Variants in SOBP observed in about 807,000 individuals in gnomAD.
The protein encoded by SOBP is sine oculis binding protein homolog, also known as sine oculis-binding protein homolog.
SOBP carries 4 observed loss-of-function variants against 53.6 expected under a neutral mutation model. The ratio of observed to expected loss-of-function variants is 0.07; its 90% CI spans 0.04 to 0.17. SOBP has a LOEUF of 0.17. Among genes scored for constraint, SOBP ranks in the 10% least tolerant of loss-of-function variants. The pLI, the probability that SOBP is intolerant of heterozygous loss-of-function variation, is 1.00. For missense variants in SOBP, 1,088 were observed against 1,204.7 expected (o/e 0.90, Z 1.43); for synonymous variants, 584 against 522.6 (o/e 1.12, Z -1.60).
At chr6:107,621,328 G>A (rs1770150053) in intron 5 of SOBP, among the ~76,000 whole-genome samples, 1 of 152,242 alleles carries the variant, frequency 6.6e-6, no homozygotes, top group Non-Finnish European at 1.5e-5. Flanking sequence ...CCTTAGTGGA[G>A]AATCCAGTAT....
At chr6:107,554,380 G>A (rs187449473) in intron 4 of SOBP, among the ~76,000 whole-genome samples, 1 of 152,284 alleles carries the variant, frequency 6.6e-6, no homozygotes, top group East Asian at 1.9e-4. Context: ...TGATGGATGT[G>A]GGGAAGCTCT....
rs548247271 is a variant in SOBP at position 107,619,398 on chromosome 6, T to C, written c.670-14116T>C. On this transcript the variant is annotated intron_variant, in intron 5 of 6. Transcript: ENST00000317357. ...ATGAAGTTTAAGTATGTTTCTTTTC[T>C]GCAGATCTCCTCAGAGGCTCAGGCA... Among the ~76,000 whole-genome samples the C allele has an allele frequency of 1.1e-4, 16 of 152,346 alleles. No individual in the cohort carries two copies. The South Asian group carries it at 1.7e-3, about 16-fold the overall frequency.
At chr6:107,579,811 A>T (rs566382326) in intron 4 of SOBP, among the ~76,000 whole-genome samples, 1 of 152,202 alleles carries the variant, frequency 6.6e-6, no homozygotes, top group Non-Finnish European at 1.5e-5. Context: ...TTTATGATAT[A>T]TATAAAGGTT....
intron 5 of SOBP, among the ~76,000 whole-genome samples, chr6:107,588,546 A>G (rs1785639274): frequency 6.6e-6 from 1 of 152,216 alleles, no homozygotes; most frequent in African/African-American, 2.4e-5. Flanking sequence ...CTCTGTAACT[A>G]TGATTATTCA....
intron 4 of SOBP, among the ~76,000 whole-genome samples, chr6:107,549,686 G>T (rs1429690047): frequency 6.6e-6 from 1 of 151,618 alleles, no homozygotes; most frequent in Non-Finnish European, 1.5e-5. Context: ...AATTTTTTAT[G>T]ATCATATAAT....
intron 3 of SOBP, among the ~76,000 whole-genome samples, chr6:107,519,012 A>G (rs1284460080): frequency 1.1e-4 from 16 of 151,782 alleles, no homozygotes; most frequent in Admixed American, 1.1e-3. Flanking sequence ...CAAATGTATC[A>G]TAGTGAAGCC....
chr6:107,534,192 G>C (rs571992574), intron 4 of SOBP, among the ~76,000 whole-genome samples: 1 of 152,188 alleles, frequency 6.6e-6, no homozygotes, highest in Non-Finnish European at 1.5e-5. Flanking sequence ...TGTGAGGAGC[G>C]TGGTGGGTAA....
chr6:107,564,338 A>T (rs1784857090), intron 4 of SOBP, among the ~76,000 whole-genome samples: 1 of 152,188 alleles, frequency 6.6e-6, no homozygotes, highest in African/African-American at 2.4e-5. Context: ...CCTTCCATAA[A>T]GTCTATCACT....
intron 3 of SOBP, among the ~76,000 whole-genome samples, chr6:107,520,382 T>C (rs1000499363): frequency 6.6e-6 from 1 of 152,212 alleles, no homozygotes; most frequent in African/African-American, 2.4e-5. Context: ...AAATGAGGTC[T>C]GGAGAGGTTA....
At chr6:107,594,207 G>T (rs1200514035) in intron 5 of SOBP, among the ~76,000 whole-genome samples, 1 of 152,088 alleles carries the variant, frequency 6.6e-6, no homozygotes, top group East Asian at 1.9e-4. Flanking sequence ...TAGCTATTGG[G>T]TAGGGTTGGC....
chr6:107,565,346 T>C (rs775837801), intron 4 of SOBP, among the ~76,000 whole-genome samples: 27 of 152,334 alleles, frequency 1.8e-4, no homozygotes, highest in Admixed American at 2.6e-4. Context: ...AGGCTGCCCC[T>C]GCAGGTTCAG....
At position 107,635,236 on chromosome 6, in the gene SOBP, G is replaced by A. The variant is rs750702969; in HGVS notation, c.2392G>A (p.Gly798Arg). ...KKLMGEEALA[G>R]GDKSDPNLNN... Reference sequence around the variant, plus strand: ...GCTGATGGGCGAGGAGGCCCTGGCGGGGGGCGACAAGTCAGACCCGAACCT... The same window carrying A: ...GCTGATGGGCGAGGAGGCCCTGGCGAGGGGCGACAAGTCAGACCCGAACCT... The change falls in exon 6 of 7, where the codon GGG (glycine) becomes AGG (arginine). Residue 798 changes from glycine (G) to arginine (R), a missense_variant. Around this residue, in one of 6 missense-constraint regions of SOBP, gnomAD observed 665 missense variants for 629.7 expected, o/e 1.06. Coordinates refer to ENST00000317357, the MANE Select transcript of SOBP (RefSeq NM_018013.4). This position sits in a 1 kb window ranked among gnomAD's most constrained non-coding sequence, Gnocchi z 4.5. 1 of 1,613,916 alleles carries A rather than the reference G, an allele frequency of 6.2e-7. No homozygotes were observed. The highest frequency in any genetic ancestry group is 1.3e-5 in the African/African-American group (1 of 75,040).
chr6:107,629,221 G>A (rs1770597082), intron 5 of SOBP, among the ~76,000 whole-genome samples: 1 of 150,544 alleles, frequency 6.6e-6, no homozygotes, highest in Non-Finnish European at 1.5e-5. Context: ...ATTCACGGAG[G>A]TGCTAATATC....
chr6:107,592,147 A>G (rs1277658964), intron 5 of SOBP, among the ~76,000 whole-genome samples: 1 of 152,152 alleles, frequency 6.6e-6, no homozygotes, highest in African/African-American at 2.4e-5. Context: ...ACCTTGGTAA[A>G]GCTTGGCCAA....
At chr6:107,577,724 G>A (rs1465850546) in intron 4 of SOBP, among the ~76,000 whole-genome samples, 1 of 152,216 alleles carries the variant, frequency 6.6e-6, no homozygotes, top group Non-Finnish European at 1.5e-5. Flanking sequence ...CTGGTATTGA[G>A]AGGCCTAGGT....
rs184183259 is a variant in SOBP at position 107,505,241 on chromosome 6, C to T, written c.236-1001C>T. On this transcript the variant is annotated intron_variant, in intron 2 of 6. Coordinates refer to ENST00000317357, the MANE Select transcript of SOBP (RefSeq NM_018013.4). ...TGCTGGAGGGCACGTTTTAGGCTTT[C>T]CCCTGGTAGCCAGAGAGCTATGCTT... Among the ~76,000 whole-genome samples the T allele has an allele frequency of 3.9e-3, 595 of 152,226 alleles. 4 individuals carry two copies. The highest frequency in any genetic ancestry group is 0.011 in the African/African-American group (452 of 41,530).
At chr6:107,495,612 A>T (rs1285098182) in intron 1 of SOBP, among the ~76,000 whole-genome samples, 1 of 152,142 alleles carries the variant, frequency 6.6e-6, no homozygotes, top group Non-Finnish European at 1.5e-5. Context: ...TGAGAAGCCA[A>T]GCCCTACTCT....
intron 4 of SOBP, among the ~76,000 whole-genome samples, chr6:107,542,246 G>A (rs1001395599): frequency 6.6e-6 from 1 of 152,138 alleles, no homozygotes; most frequent in African/African-American, 2.4e-5. Flanking sequence ...GACGTGTGCT[G>A]GGGACAGAAG....
chr6:107,504,773 T>C (rs1782935182), intron 2 of SOBP, among the ~76,000 whole-genome samples: 2 of 152,248 alleles, frequency 1.3e-5, no homozygotes, highest in Admixed American at 1.3e-4. Context: ...TGGAATTGAA[T>C]GTACATGACA....
Sources: gnomAD v4.1 joint callset for allele counts (sites outside exome capture counted in the v4.1 genomes callset) on GRCh38, gnomAD v4.1.1 for gene constraint, gnomAD v4.1.1 regional missense constraint, Gnocchi (gnomAD v3.1) non-coding constraint, MANE v1.5 for transcripts, NCBI Gene and HGNC (gene_info 2026-07-23, HGNC 2026-07-21) for gene names.